The following SSPN variants were observed in gnomAD, a reference collection of about 807,000 sequenced individuals.
SSPN encodes sarcospan.
SSPN carries 15 observed loss-of-function variants against 19.1 expected under a neutral mutation model. The ratio of observed to expected loss-of-function variants is 0.78; its 90% CI spans 0.52 to 1.21. The LOEUF is 1.21. Among genes scored for constraint, SSPN ranks in the 50% most tolerant of loss-of-function variants. The pLI, the probability that SSPN is intolerant of heterozygous loss-of-function variation, is 0.00. For synonymous variants in SSPN, 147 were observed against 140.3 expected, an observed-to-expected ratio of 1.05 and a Z score of -0.34; for missense variants, 291 against 314.0, an observed-to-expected ratio of 0.93 and a Z score of 0.55.
rs1565665138 is a variant in SSPN, at chr12:26,123,204, G to A, written c.-31+1052G>A. 3.9e-6 allele frequency: 6 copies of A among 1,544,204 alleles called. No individual in the cohort carries two copies. The African/African-American group carries it at 4.1e-5, about 11-fold the overall frequency. Reference sequence around the variant, plus strand: ...GAAGGGATGGGGGTGGGGGACGGAGGAGTGGAGGCAAGAAGAAACATACCC... The same window carrying A: ...GAAGGGATGGGGGTGGGGGACGGAGAAGTGGAGGCAAGAAGAAACATACCC... On this transcript the variant is annotated intron_variant, in intron 1 of 2. Coordinates refer to the SSPN transcript ENST00000538142.
At chr12:26,123,283 GTTTT>G in intron 1 of SSPN, 23 of 1,343,848 alleles carry the variant, frequency 1.7e-5, no homozygotes, top group Admixed American at 2.8e-5. Flanking sequence ...AGTGATCTCG[GTTTT>G]TCCCCAGTAT....
intron 1 of SSPN, among the ~76,000 whole-genome samples, chr12:26,162,806 T>A (rs1158077006): frequency 1.3e-5 from 2 of 152,208 alleles, no homozygotes; most frequent in Non-Finnish European, 2.9e-5. Flanking sequence ...GAGTAAAATT[T>A]TCATGACAGA....
At chr12:26,208,028 G>GTT (rs1491063259) in intron 1 of SSPN, among the ~76,000 whole-genome samples, 1 of 143,294 alleles carries the variant, frequency 7.0e-6, no homozygotes, top group Non-Finnish European at 1.5e-5. Flanking sequence ...TGGGGGGGGG[G>GTT]GATATATAAC....
At chr12:26,199,383 G>A (rs1387027307) in intron 1 of SSPN, among the ~76,000 whole-genome samples, 1 of 152,060 alleles carries the variant, frequency 6.6e-6, no homozygotes, top group East Asian at 1.9e-4. Flanking sequence ...CCTGTAAGGG[G>A]GGAAAAAAAC....
At chr12:26,213,499 T>C (rs184979542) in intron 1 of SSPN, among the ~76,000 whole-genome samples, 1 of 152,112 alleles carries the variant, frequency 6.6e-6, no homozygotes, top group African/African-American at 2.4e-5. Flanking sequence ...CACCACCTTG[T>C]TCTCTGTCTT....
intron 1 of SSPN, among the ~76,000 whole-genome samples, chr12:26,199,812 C>T (rs894335098): frequency 2.6e-5 from 4 of 152,188 alleles, no homozygotes; most frequent in East Asian, 1.9e-4. Context: ...TGCTGTGCTA[C>T]GCATTGGCCT....
At chr12:26,215,878 A>T (rs1005727355) in intron 1 of SSPN, among the ~76,000 whole-genome samples, 5 of 152,252 alleles carry the variant, frequency 3.3e-5, no homozygotes, top group African/African-American at 1.2e-4. Flanking sequence ...GATAGCAGAG[A>T]CTAAATTTCT....
At chr12:26,183,900 A>G (rs951294107) in intron 1 of SSPN, among the ~76,000 whole-genome samples, 1 of 152,226 alleles carries the variant, frequency 6.6e-6, no homozygotes, top group Non-Finnish European at 1.5e-5. Flanking sequence ...CGATGGCAAC[A>G]TGAAAGGAAG....
At chr12:26,188,929 T>A (rs1235240898) in intron 1 of SSPN, among the ~76,000 whole-genome samples, 1 of 152,164 alleles carries the variant, frequency 6.6e-6, no homozygotes, top group Non-Finnish European at 1.5e-5. Context: ...GCAATTTTTT[T>A]GAACAATAAA....
intron 1 of SSPN, chr12:26,122,194 G>C (rs1944312768): frequency 6.2e-6 from 9 of 1,444,028 alleles, no homozygotes; most frequent in Admixed American, 3.0e-5. Flanking sequence ...GGCGCCCCAA[G>C]GGGCGCCACC....
chr12:26,149,333 C>T (rs1158578182), intron 1 of SSPN, among the ~76,000 whole-genome samples: 1 of 152,160 alleles, frequency 6.6e-6, no homozygotes, highest in African/African-American at 2.4e-5. Context: ...TATACATCTA[C>T]CATACTGGTG....
At chr12:26,223,845 A>G (rs1945148518) in intron 1 of SSPN, among the ~76,000 whole-genome samples, 1 of 152,188 alleles carries the variant, frequency 6.6e-6, no homozygotes, top group Non-Finnish European at 1.5e-5. Flanking sequence ...TCTTTCAAGG[A>G]CCATTTCAAA....
intron 1 of SSPN, among the ~76,000 whole-genome samples, chr12:26,219,872 G>C (rs950339917): frequency 6.6e-6 from 1 of 152,136 alleles, no homozygotes; most frequent in Admixed American, 6.5e-5. Context: ...GGTCCAACAA[G>C]CGCCTTCTTG....
chr12:26,153,741 G>A lies in SSPN; in HGVS notation c.-31+31589G>A, dbSNP rs540899911. ...GTTGCATGTCTGCAAGGTCTTCCAC[G>A]AATTCTGGGTTCTGGTCCTTCTTGA... On this transcript the variant is annotated intron_variant, in intron 1 of 2. Coordinates refer to the SSPN transcript ENST00000538142. 1.7e-4 allele frequency among the ~76,000 whole-genome samples: 26 copies of A among 152,320 alleles called. 1 individual carries two copies. Among genetic ancestry groups the A allele is most frequent in the South Asian group, 1.2e-3 (6 of 4,824 alleles).
chr12:26,140,210 C>T (rs1356009394), intron 1 of SSPN, among the ~76,000 whole-genome samples: 6 of 152,070 alleles, frequency 3.9e-5, no homozygotes, highest in Admixed American at 2.0e-4. Flanking sequence ...CAGCCTGGTA[C>T]GTCGTAATGT....
chr12:26,124,474 A>G (rs770492170), intron 1 of SSPN: 58 of 1,573,562 alleles, frequency 3.7e-5, no homozygotes, highest in Non-Finnish European at 4.9e-5. Flanking sequence ...GGCTCTAATT[A>G]ACTACCCATG....
chr12:26,125,980 C>T (rs1035772200), intron 1 of SSPN: 20 of 152,210 alleles, frequency 1.3e-4, no homozygotes, highest in African/African-American at 4.8e-4. Flanking sequence ...GTGCAGAGCC[C>T]ACGTTTACTA....
intron 1 of SSPN, among the ~76,000 whole-genome samples, chr12:26,157,554 G>A (rs1357524988): frequency 2.0e-5 from 3 of 152,088 alleles, no homozygotes; most frequent in Non-Finnish European, 2.9e-5. Flanking sequence ...ATGTTCAGAT[G>A]ACTAAATTTT....
chr12:26,224,489 C>A, intron 2 of SSPN, 110 bp downstream of exon 2: 1 of 923,750 alleles, frequency 1.1e-6, no homozygotes, highest in Non-Finnish European at 1.7e-6. Context: ...CTAGAAATTG[C>A]ATTTTTAGGC....
Sources: gnomAD v4.1 joint callset for allele counts (sites outside exome capture counted in the v4.1 genomes callset) on GRCh38, gnomAD v4.1.1 for gene constraint, MANE v1.5 for transcripts, NCBI Gene and HGNC (gene_info 2026-07-23, HGNC 2026-07-21) for gene names.